The following PLXDC2 variants were observed in gnomAD, a reference collection of about 807,000 sequenced individuals.
PLXDC2 encodes plexin domain-containing protein 2.
Under a neutral mutation model 68.9 loss-of-function variants are expected in PLXDC2, and 40 were observed. The observed-to-expected ratio is 0.58, with a 90% CI of 0.45 to 0.76. The LOEUF (loss-of-function observed/expected upper bound fraction) is 0.76, where lower values mean the gene tolerates loss of function less well. PLXDC2 is among the 30% of genes least tolerant of loss of function. The probability of loss-of-function intolerance (pLI) is 0.00; values close to 1 mark genes in which losing one functional copy is unlikely to be tolerated. For synonymous variants in PLXDC2, 243 were observed against 234.2 expected, an observed-to-expected ratio of 1.04 and a Z score of -0.34; for missense variants, 644 against 661.9, an observed-to-expected ratio of 0.97 and a Z score of 0.30.
intron 1 of PLXDC2, among the ~76,000 whole-genome samples, chr10:19,865,461 C>A (rs183298290): frequency 3.5e-4 from 53 of 152,208 alleles, no homozygotes; most frequent in Admixed American, 5.9e-4. Flanking sequence ...GAGGTTCTGC[C>A]CTCTCATTAC....
chr10:19,829,154 C>CTTTTTTTTTTTTTTTTTTTTTTTTTTT (rs71388870), intron 1 of PLXDC2, among the ~76,000 whole-genome samples: 1 of 94,418 alleles, frequency 1.1e-5, no homozygotes, highest in African/African-American at 4.4e-5. Flanking sequence ...ACGCTTTCCT[C>CTTTTTTTTTTTTTTTTTTTTTTTTTTT]TTTTTTTTTT....
chr10:19,937,535 A>G (rs1482767680), intron 1 of PLXDC2, among the ~76,000 whole-genome samples: 1 of 119,486 alleles, frequency 8.4e-6, no homozygotes, highest in African/African-American at 3.6e-5. Flanking sequence ...ATATCACATT[A>G]TAGTCAATGT....
chr10:20,032,023 G>C (rs564805447), intron 2 of PLXDC2, among the ~76,000 whole-genome samples: 1 of 152,040 alleles, frequency 6.6e-6, no homozygotes, highest in Non-Finnish European at 1.5e-5. Flanking sequence ...GTTTCACCAT[G>C]TTGGCCAGGC....
chr10:20,164,710 C>A, intron 7 of PLXDC2, 143 bp downstream of exon 7: 1 of 695,502 alleles, frequency 1.4e-6, no homozygotes, highest in Non-Finnish European at 2.5e-6. Context: ...CTGTTGTTTG[C>A]TTTATAACTC....
chr10:19,890,724 C>G (rs1837944134), intron 1 of PLXDC2, among the ~76,000 whole-genome samples: 1 of 146,186 alleles, frequency 6.8e-6, no homozygotes, highest in Admixed American at 6.9e-5. Flanking sequence ...AACGGCTAAA[C>G]CCCACATTTT....
At chr10:20,151,303 T>C (rs1168168165) in intron 6 of PLXDC2, among the ~76,000 whole-genome samples, 1 of 152,230 alleles carries the variant, frequency 6.6e-6, no homozygotes, top group East Asian at 1.9e-4. Context: ...ACTTACAAAG[T>C]ACTTTCACAT....
chr10:19,924,098 C>T (rs955794151), intron 1 of PLXDC2, among the ~76,000 whole-genome samples: 1 of 152,136 alleles, frequency 6.6e-6, no homozygotes, highest in Non-Finnish European at 1.5e-5. Flanking sequence ...ATTTACCCAA[C>T]CTCTCCTCCC....
chr10:20,105,116 G>A lies in PLXDC2; in HGVS notation c.541+36877G>A, dbSNP rs151001751. ...GTCCTGGACTCTGGGGAGCACCACCGGCTCTCTGAGTGCTTGACCTTAAGG... is the reference window on the plus strand; with the variant it reads ...GTCCTGGACTCTGGGGAGCACCACCAGCTCTCTGAGTGCTTGACCTTAAGG... On this transcript the variant is annotated intron_variant, in intron 4 of 13. Transcript: ENST00000377252. Among the ~76,000 whole-genome samples the A allele has an allele frequency of 3.0e-3, 448 of 150,384 alleles. 1 individual carries two copies. The highest frequency in any genetic ancestry group is 0.011 in the Middle Eastern group (3 of 280).
At chr10:20,213,784 A>G (rs2131859786) in intron 10 of PLXDC2, among the ~76,000 whole-genome samples, 1 of 152,260 alleles carries the variant, frequency 6.6e-6, no homozygotes, top group African/African-American at 2.4e-5. Flanking sequence ...GTGTTCAAGA[A>G]AAATGTGTGT....
chr10:20,169,496 T>C (rs998817813), intron 7 of PLXDC2, among the ~76,000 whole-genome samples: 1 of 152,178 alleles, frequency 6.6e-6, no homozygotes, highest in Non-Finnish European at 1.5e-5. Context: ...TCCTTCCAAA[T>C]CCTTACACAA....
chr10:19,992,609 TC>T (rs908040976), intron 1 of PLXDC2, among the ~76,000 whole-genome samples: 3 of 152,194 alleles, frequency 2.0e-5, no homozygotes, highest in Non-Finnish European at 4.4e-5. Context: ...TCTTTTAAAT[TC>T]CTACTAGACA....
chr10:19,938,600 T>G (rs1425832531), intron 1 of PLXDC2, among the ~76,000 whole-genome samples: 2 of 152,124 alleles, frequency 1.3e-5, no homozygotes, highest in African/African-American at 4.8e-5. Flanking sequence ...TCAGTCCCTG[T>G]GATCCAATCA....
At chr10:20,103,885 C>T (rs188818955) in intron 4 of PLXDC2, among the ~76,000 whole-genome samples, 11 of 152,218 alleles carry the variant, frequency 7.2e-5, no homozygotes, top group Middle Eastern at 3.4e-3. Flanking sequence ...TCAGGTGATC[C>T]GCCTGCCTTG....
chr10:19,854,694 C>G (rs1386335351), intron 1 of PLXDC2, among the ~76,000 whole-genome samples: 1 of 152,142 alleles, frequency 6.6e-6, no homozygotes, highest in African/African-American at 2.4e-5. Flanking sequence ...TCCAGCCTAG[C>G]CTGGCCTTCC....
chr10:20,015,167 A>G (rs1835189725), intron 2 of PLXDC2, among the ~76,000 whole-genome samples: 1 of 152,188 alleles, frequency 6.6e-6, no homozygotes, highest in Non-Finnish European at 1.5e-5. Context: ...TCTCTGCTCA[A>G]TGGCCACCTT....
intron 3 of PLXDC2, among the ~76,000 whole-genome samples, chr10:20,053,181 G>T (rs1835933740): frequency 1.3e-5 from 2 of 151,948 alleles, no homozygotes; most frequent in Admixed American, 6.6e-5. Context: ...TATCATCTCA[G>T]CCATAATCAT....
rs79255348 is a variant in PLXDC2 at position 19,917,335 on chromosome 10, C to T, written c.113-84440C>T. On this transcript the variant is annotated intron_variant, in intron 1 of 13. Transcript: ENST00000377252. ...TTTATGTTCTTGGTGGGCTACAGTT[C>T]GCTTTAAGCTCAGCCAGGCTACCTT... 4.1e-3 allele frequency among the ~76,000 whole-genome samples: 619 copies of T among 152,004 alleles called. 1 individual carries two copies. Among genetic ancestry groups the T allele is most frequent in the African/African-American group, 0.014 (564 of 41,452 alleles).
chr10:19,927,410 G>A (rs1428551343), intron 1 of PLXDC2, among the ~76,000 whole-genome samples: 1 of 152,002 alleles, frequency 6.6e-6, no homozygotes, highest in Non-Finnish European at 1.5e-5. Flanking sequence ...ATTTATAAAA[G>A]CAAGGAATTG....
intron 4 of PLXDC2, among the ~76,000 whole-genome samples, chr10:20,074,091 A>C (rs1836391409): frequency 1.3e-5 from 2 of 152,108 alleles, no homozygotes; most frequent in Admixed American, 6.5e-5. Context: ...TAATTAAGAT[A>C]ATATGTGGAA....
Sources: gnomAD v4.1 joint callset for allele counts (sites outside exome capture counted in the v4.1 genomes callset) on GRCh38, gnomAD v4.1.1 for gene constraint, MANE v1.5 for transcripts, NCBI Gene and HGNC (gene_info 2026-07-23, HGNC 2026-07-21) for gene names.